CLCN5: variants seen among roughly 807,000 people sequenced by gnomAD.
CLCN5 encodes the protein Cl-/H+ antiporter 5.
A neutral mutation model predicts 54.0 loss-of-function variants in CLCN5; 17 were observed. That is an observed-to-expected ratio of 0.31 (90% CI 0.22 to 0.47). CLCN5 has a LOEUF of 0.47. Among genes scored for constraint, CLCN5 ranks in the 20% least tolerant of loss-of-function variants. CLCN5 has a pLI of 1.00. For missense variants in CLCN5, 448 were observed against 646.7 expected, an observed-to-expected ratio of 0.69 and a Z score of 3.33; for synonymous variants, 222 against 233.0, an observed-to-expected ratio of 0.95 and a Z score of 0.43.
At chrX:50,028,732 T>C (rs1931541742) in intron 3 of CLCN5, among the ~76,000 whole-genome samples, 1 of 111,965 alleles carries the variant, frequency 8.9e-6, no homozygotes, top group South Asian at 3.8e-4. Context: ...CTGGAAGTCA[T>C]ACTTTGATTT....
rs782479063 is a variant in CLCN5, at chrX:49,971,213, A to AAT, written c.16+45913_16+45914dup. Among the ~76,000 whole-genome samples, 352 of 102,770 alleles carry AAT rather than the reference A, an allele frequency of 3.4e-3. 2 individuals carry two copies. Among genetic ancestry groups the AAT allele is most frequent in the South Asian group, 0.022 (52 of 2,371 alleles). The allele number at this position is 102,770 out of a possible 115,157, so 89.2% of individuals were successfully genotyped here. A position where few individuals can be genotyped will look rare whatever the true frequency, so the allele number is the denominator to read the frequency against. On this transcript the variant is annotated intron_variant, in intron 3 of 14. Transcript: ENST00000376091. ...GTAGTTTTTTGGTGAATGCCTTAGG[A>AAT]ATATATATATATATAAATATATATT...
At position 49,941,920 on chromosome X, in the gene CLCN5, C is replaced by CTTT. The variant is rs782574821; in HGVS notation, c.16+16627_16+16629dup. ...ATGATATATCTTTCTCAATCAGTAT[C>CTTT]TTTTTTTTTTTTTTTTTTTTTTTGC... On this transcript the variant is annotated intron_variant, in intron 3 of 14. Transcript: ENST00000376091. Among the ~76,000 whole-genome samples, 577 of 60,543 alleles carry CTTT rather than the reference C, an allele frequency of 9.5e-3. 36 individuals are homozygous for CTTT. The highest frequency in any genetic ancestry group is 0.034 in the African/African-American group (478 of 14,026). 52.6% of individuals were successfully genotyped at this position (60,543 alleles called of 115,157 possible). A position where few individuals can be genotyped will look rare whatever the true frequency, so the allele number is the denominator to read the frequency against.
intron 3 of CLCN5, among the ~76,000 whole-genome samples, chrX:50,040,714 A>C (rs1932184328): frequency 9.0e-6 from 1 of 111,399 alleles, no homozygotes; most frequent in African/African-American, 3.3e-5. Flanking sequence ...TTCAATCATC[A>C]CCTTGATGTT....
At chrX:49,939,536 G>C (rs1557170344) in intron 3 of CLCN5, among the ~76,000 whole-genome samples, 1 of 110,833 alleles carries the variant, frequency 9.0e-6, no homozygotes, top group Admixed American at 9.6e-5. Context: ...ACTATCGCAA[G>C]GACAAAAAAC....
chrX:50,048,008 C>T (rs1051202136), intron 4 of CLCN5, among the ~76,000 whole-genome samples: 18 of 112,062 alleles, frequency 1.6e-4, no homozygotes, highest in African/African-American at 4.9e-4. Context: ...AAGGAAGTCA[C>T]TGCGTAGAAC....
intron 4 of CLCN5, among the ~76,000 whole-genome samples, chrX:50,064,693 G>T (rs1303675268): frequency 2.1e-5 from 2 of 96,103 alleles, no homozygotes; most frequent in Non-Finnish European, 4.1e-5. Flanking sequence ...AAAAGAGCCC[G>T]CATCGCCAAG....
intron 4 of CLCN5, chrX:50,054,498 A>G (rs972211203): frequency 9.0e-6 from 1 of 111,357 alleles, no homozygotes; most frequent in Non-Finnish European, 1.9e-5. Context: ...CTGGATGTAG[A>G]GCTTTGGTGT....
chrX:50,013,688 G>A (rs1336951486), intron 3 of CLCN5, among the ~76,000 whole-genome samples: 1 of 112,289 alleles, frequency 8.9e-6, no homozygotes, highest in Non-Finnish European at 1.9e-5. Flanking sequence ...ATGCATGCCT[G>A]GTGTGCAGGT....
chrX:50,008,487 C>T (rs782715546), intron 3 of CLCN5: 3 of 360,811 alleles, frequency 8.3e-6, no homozygotes, highest in Admixed American at 7.6e-5. Context: ...ATGCAATGCA[C>T]CTGGGCAAGG....
intron 7 of CLCN5, among the ~76,000 whole-genome samples, chrX:50,078,584 G>T (rs1933539956): frequency 8.9e-6 from 1 of 112,542 alleles, no homozygotes; most frequent in Non-Finnish European, 1.9e-5. Context: ...GTAGTTCATA[G>T]TTCATTGCCA....
chrX:50,040,475 T>C (rs1240989570), intron 3 of CLCN5, among the ~76,000 whole-genome samples: 1 of 112,276 alleles, frequency 8.9e-6, no homozygotes, highest in African/African-American at 3.2e-5. Context: ...ATTATTTAGT[T>C]CACATTTGCA....
intron 3 of CLCN5, among the ~76,000 whole-genome samples, chrX:50,026,184 A>G (rs782211153): frequency 2.7e-5 from 3 of 111,760 alleles, no homozygotes; most frequent in Non-Finnish European, 5.6e-5. Context: ...TGAGTTTTCA[A>G]GCTTTGTCTT....
At chrX:49,929,734 A>G (rs1469831882) in intron 3 of CLCN5, among the ~76,000 whole-genome samples, 3 of 108,668 alleles carry the variant, frequency 2.8e-5, no homozygotes, top group Non-Finnish European at 5.7e-5. Context: ...AGACCTGAGC[A>G]TTACAATCCT....
intron 3 of CLCN5, among the ~76,000 whole-genome samples, chrX:49,938,746 T>C (rs1157291732): frequency 4.6e-5 from 5 of 107,773 alleles, no homozygotes; most frequent in Admixed American, 1.0e-4. Context: ...ACTTCATGTC[T>C]AAAACACCAA....
intron 3 of CLCN5, among the ~76,000 whole-genome samples, chrX:49,988,020 C>T (rs1324243106): frequency 9.0e-6 from 1 of 111,442 alleles, no homozygotes; most frequent in Non-Finnish European, 1.9e-5. Flanking sequence ...CCGAAAAACT[C>T]CTCCATCCTC....
rs1934223908 is a variant in CLCN5 at position 50,095,216 on chromosome X, CTA to C, written c.*3000_*3001del. On this transcript the variant is annotated 3_prime_UTR_variant, in exon 15 of 15. Transcript: ENST00000376091. Reference sequence around the variant, plus strand: ...ATCCAGCCATAAAAGGAACGAGAGTCTATAGATTTGTAAAAGTAAAACTGCTA... The same window carrying C: ...ATCCAGCCATAAAAGGAACGAGAGTCTAGATTTGTAAAAGTAAAACTGCTA... 8.9e-6 allele frequency: 1 copy of C among 112,215 alleles called. No individual in the cohort carries two copies. Among genetic ancestry groups the C allele is most frequent in the Non-Finnish European group, 1.9e-5 (1 of 53,248 alleles). 9.2% of individuals were successfully genotyped at this position (112,215 alleles called of 1,213,427 possible).
intron 4 of CLCN5, among the ~76,000 whole-genome samples, chrX:50,057,828 A>C (rs1932788772): frequency 1.8e-5 from 2 of 110,192 alleles, no homozygotes; most frequent in Admixed American, 1.9e-4. Flanking sequence ...AATGTTGATT[A>C]ATTATCAGGG....
At chrX:50,087,823 A>C (rs1391976473) in intron 11 of CLCN5, among the ~76,000 whole-genome samples, 1 of 111,987 alleles carries the variant, frequency 8.9e-6, no homozygotes, top group Non-Finnish European at 1.9e-5. Flanking sequence ...AGAACACCAG[A>C]TTCAAATGCA....
intron 3 of CLCN5, among the ~76,000 whole-genome samples, chrX:50,028,317 C>A (rs997648927): frequency 2.3e-4 from 26 of 111,957 alleles, no homozygotes; most frequent in African/African-American, 7.1e-4. Context: ...TTCCCCTCCC[C>A]CTGCTGGAAG....
Sources: gnomAD v4.1 joint callset for allele counts (sites outside exome capture counted in the v4.1 genomes callset) on GRCh38, gnomAD v4.1.1 for gene constraint, MANE v1.5 for transcripts, NCBI Gene and HGNC (gene_info 2026-07-23, HGNC 2026-07-21) for gene names.